Variants in ATG2B observed in about 807,000 individuals in gnomAD.
ATG2B encodes autophagy-related protein 2 homolog B.
A neutral mutation model predicts 241.3 loss-of-function variants in ATG2B; 121 were observed. The observed-to-expected ratio is 0.50, with a 90% CI of 0.43 to 0.58. ATG2B has a LOEUF of 0.58. Ranked by LOEUF, ATG2B falls within the 20% of genes least tolerant of loss-of-function variation. The pLI is 0.00. For missense variants in ATG2B, 2,306 were observed against 2,491.6 expected, an observed-to-expected ratio of 0.93 and a Z score of 1.59; for synonymous variants, 858 against 876.6, an observed-to-expected ratio of 0.98 and a Z score of 0.37.
At chr14:96,320,209 T>C (rs1887423484) in intron 18 of ATG2B, among the ~76,000 whole-genome samples, 1 of 152,154 alleles carries the variant, frequency 6.6e-6, no homozygotes, top group East Asian at 1.9e-4. Flanking sequence ...ATCTCTCTAG[T>C]AGAGCTGAGA....
rs761449064 is a variant in ATG2B at position 96,305,604 on chromosome 14, G to A, written c.4718C>T (p.Pro1573Leu). The change falls in exon 31 of 42, where the codon CCG becomes CTG. Residue 1573 changes from proline (P) to leucine (L), a missense_variant. Pro to Leu is a moderately conservative substitution (Grantham distance 98). Around this residue, in one of 2 missense-constraint regions of ATG2B, gnomAD observed 1,927 missense variants for 2,011.2 expected, o/e 0.96. Transcript: ENST00000359933. Reference sequence around the variant, plus strand: ...ATTAACTTACATATAACTTTTAGCCGGAGAAGTGGGAGGGACTATTCCAAA... The same window carrying A: ...ATTAACTTACATATAACTTTTAGCCAGAGAAGTGGGAGGGACTATTCCAAA... ...KDFGIVPPTS[P>L]AKSYISPHSS... 2.2e-5 allele frequency: 36 copies of A among 1,609,808 alleles called. No individual in the cohort carries two copies. The Middle Eastern group carries it at 4.9e-4, about 22-fold the overall frequency.
intron 23 of ATG2B, among the ~76,000 whole-genome samples, chr14:96,314,410 GAAATCCTGATA>G (rs1335296443): frequency 6.6e-6 from 1 of 152,166 alleles, no homozygotes; most frequent in Non-Finnish European, 1.5e-5. Context: ...ATTAATGAGA[GAAATCCTGATA>G]AAATGCTTTA....
intron 1 of ATG2B, among the ~76,000 whole-genome samples, chr14:96,353,642 TTATATA>T: frequency 7.9e-6 from 1 of 126,808 alleles, no homozygotes; most frequent in East Asian, 2.0e-4. Flanking sequence ...ATTTCATATT[TTATATA>T]TATATATATA....
At chr14:96,340,824 G>A (rs948709000) in intron 6 of ATG2B, among the ~76,000 whole-genome samples, 2 of 151,636 alleles carry the variant, frequency 1.3e-5, no homozygotes, top group Admixed American at 6.6e-5. Flanking sequence ...AGGCTGAGGC[G>A]GGAGGGTTGC....
At chr14:96,344,567 C>G in intron 4 of ATG2B, 87 bp downstream of exon 4, 1 of 592,478 alleles carries the variant, frequency 1.7e-6, no homozygotes, top group Non-Finnish European at 2.9e-6. Flanking sequence ...ATTTTCATAT[C>G]ATTAGCTCTA....
At chr14:96,354,587 G>A (rs537980543) in intron 1 of ATG2B, among the ~76,000 whole-genome samples, 7 of 152,236 alleles carry the variant, frequency 4.6e-5, no homozygotes, top group African/African-American at 1.7e-4. Flanking sequence ...GAACATAAGC[G>A]TGCATATATC....
At chr14:96,287,270 AAAAC>A (rs1292316895) in intron 41 of ATG2B, among the ~76,000 whole-genome samples, 12 of 151,566 alleles carry the variant, frequency 7.9e-5, no homozygotes, top group African/African-American at 2.2e-4. Flanking sequence ...AAAAAAAAAA[AAAAC>A]GTGTCCAGAA....
chr14:96,291,891 A>C (rs1886495197), intron 37 of ATG2B, 138 bp downstream of exon 37: 2 of 664,622 alleles, frequency 3.0e-6, no homozygotes, highest in African/African-American at 1.8e-5. Context: ...TTTACATTAA[A>C]AACAATTAAA....
At chr14:96,304,983 T>C (rs1483200536) in intron 31 of ATG2B, among the ~76,000 whole-genome samples, 3 of 151,688 alleles carry the variant, frequency 2.0e-5, no homozygotes, top group African/African-American at 7.2e-5. Context: ...CACAAAATAA[T>C]TATAGTAAAG....
intron 6 of ATG2B, among the ~76,000 whole-genome samples, chr14:96,338,211 A>T (rs990748953): frequency 2.0e-5 from 3 of 152,006 alleles, no homozygotes; most frequent in Non-Finnish European, 2.9e-5. Context: ...TTGTCTAGGT[A>T]TATGACATAG....
At chr14:96,356,766 A>C (rs962957933) in intron 1 of ATG2B, among the ~76,000 whole-genome samples, 4 of 152,058 alleles carry the variant, frequency 2.6e-5, no homozygotes, top group Non-Finnish European at 5.9e-5. Flanking sequence ...AGTGTGGTGT[A>C]CAAAAAAAAA....
At chr14:96,307,311 C>T (rs1401031861) in intron 29 of ATG2B, among the ~76,000 whole-genome samples, 3 of 151,814 alleles carry the variant, frequency 2.0e-5, no homozygotes, top group South Asian at 2.1e-4. Context: ...CCTGGGAGGC[C>T]GAGGTAGGAG....
chr14:96,315,642 C>A, intron 21 of ATG2B, 59 bp from the exon 22 acceptor site: 1 of 1,397,074 alleles, frequency 7.2e-7, no homozygotes, highest in Admixed American at 1.9e-5. Flanking sequence ...ATTAGCTAAT[C>A]AACTTACATG....
At chr14:96,302,186 A>AG in intron 33 of ATG2B, 78 bp from the exon 34 acceptor site, 1 of 924,772 alleles carries the variant, frequency 1.1e-6, no homozygotes, top group South Asian at 1.5e-5. Context: ...AGAAAAAAAA[A>AG]GAAAAATTCC....
At chr14:96,297,166 TACAGTTTA>T (rs950849193) in intron 34 of ATG2B, among the ~76,000 whole-genome samples, 1 of 152,092 alleles carries the variant, frequency 6.6e-6, no homozygotes, top group African/African-American at 2.4e-5. Context: ...ATTACATGTT[TACAGTTTA>T]ACAGCATATA....
At chr14:96,321,963 T>C in intron 18 of ATG2B, 149 bp downstream of exon 18, 1 of 581,996 alleles carries the variant, frequency 1.7e-6, no homozygotes, top group South Asian at 2.8e-5. Flanking sequence ...TAGCACATCA[T>C]AACGGCAATA....
intron 3 of ATG2B, among the ~76,000 whole-genome samples, 177 bp downstream of exon 3, chr14:96,345,056 A>C (rs1888136416): frequency 6.6e-6 from 1 of 152,152 alleles, no homozygotes; most frequent in African/African-American, 2.4e-5. Flanking sequence ...AAAAAAAAAA[A>C]CAACATGCAA....
rs1305172208 is a variant in ATG2B, at chr14:96,322,257, A to G, written c.2737-3T>C. 1 of 1,587,142 alleles carries G rather than the reference A, an allele frequency of 6.3e-7. No homozygotes were observed. Among genetic ancestry groups the G allele is most frequent in the East Asian group, 2.3e-5 (1 of 44,086 alleles). ...ACAGGGTCTCCTGGCATCACCATCT[A>G]AAACATAATAGTTCAGTGCAAAAAA... On this transcript the variant is annotated splice_region_variant and splice_polypyrimidine_tract_variant and intron_variant, in intron 17 of 41. Transcript: ENST00000359933.
intron 15 of ATG2B, among the ~76,000 whole-genome samples, chr14:96,324,787 C>T (rs1246377144): frequency 6.6e-6 from 1 of 152,078 alleles, no homozygotes; most frequent in Non-Finnish European, 1.5e-5. Flanking sequence ...GATCTCACAA[C>T]ACCTGAAGGC....
Sources: allele counts gnomAD v4.1 joint callset (sites outside exome capture counted in the v4.1 genomes callset), GRCh38; gene constraint gnomAD v4.1.1; regional missense constraint gnomAD v4.1.1; transcripts MANE v1.5; gene names NCBI Gene and HGNC (gene_info 2026-07-23, HGNC 2026-07-21).